Variants in FREM3 observed in about 807,000 individuals in gnomAD.
FREM3 encodes the protein FRAS1-related extracellular matrix protein 3.
Under a neutral mutation model 129.1 loss-of-function variants are expected in FREM3, and 105 were observed. That is an observed-to-expected ratio of 0.81 (90% CI 0.69 to 0.96). FREM3 has a LOEUF of 0.96. Among genes scored for constraint, FREM3 ranks in the 40% least tolerant of loss-of-function variants. FREM3 has a pLI of 0.00. For missense variants in FREM3, 2,593 were observed against 2,666.3 expected, an observed-to-expected ratio of 0.97 and a Z score of 0.61; for synonymous variants, 1,014 against 1,044.9, an observed-to-expected ratio of 0.97 and a Z score of 0.57.
chr4:143,677,205 A>G (rs1740151757), intron 2 of FREM3, among the ~76,000 whole-genome samples: 1 of 152,190 alleles, frequency 6.6e-6, no homozygotes, highest in Non-Finnish European at 1.5e-5. Context: ...ATATAGACCA[A>G]TGGAACAGAA....
chr4:143,636,874 G>C (rs1239001742), intron 2 of FREM3, among the ~76,000 whole-genome samples: 3 of 152,090 alleles, frequency 2.0e-5, no homozygotes, highest in African/African-American at 7.2e-5. Flanking sequence ...ACTGTCAAAT[G>C]TTAAATGTTT....
chr4:143,698,648 C>A lies in FREM3; in HGVS notation c.2028G>T (p.Val676=). 1.3e-6 allele frequency: 2 copies of A among 1,537,794 alleles called. No individual in the cohort carries two copies. Among genetic ancestry groups the A allele is most frequent in the Non-Finnish European group, 1.7e-6 (2 of 1,147,032 alleles). Residue 676 remains valine, a synonymous_variant, in exon 1 of 8, where the codon GTG becomes GTT. Transcript: ENST00000329798. ...QSVMVQLAFH[V]QDDHDPPNLS... ...GATTGGGTGGGTCATGGTCATCCTGCACATGGAAAGCCAGCTGGACCATTA... is the reference window on the plus strand; with the variant it reads ...GATTGGGTGGGTCATGGTCATCCTGAACATGGAAAGCCAGCTGGACCATTA...
rs55880735 is a variant in FREM3 at position 143,615,707 on chromosome 4, C to CAA, written c.5780-4182_5780-4181dup. On this transcript the variant is annotated intron_variant, in intron 5 of 7. Transcript: ENST00000329798. ...AAGTGTAGGGAATATCGTCAAGTGT[C>CAA]AAAAAAAAAACAAAAACCCAAAAAC... 7.1e-3 allele frequency among the ~76,000 whole-genome samples: 989 copies of CAA among 138,908 alleles called. 1 individual carries two copies. The highest frequency in any genetic ancestry group is 0.024 in the South Asian group (112 of 4,604). 91.1% of individuals were successfully genotyped at this position (138,908 alleles called of 152,430 possible). A position where few individuals can be genotyped will look rare whatever the true frequency, so the allele number is the denominator to read the frequency against.
At chr4:143,594,240 C>A (rs1400104640) in intron 6 of FREM3, among the ~76,000 whole-genome samples, 4 of 152,170 alleles carry the variant, frequency 2.6e-5, no homozygotes, top group Non-Finnish European at 5.9e-5. Flanking sequence ...CTGCCCTGCA[C>A]CCACTGTCCG....
chr4:143,699,317 G>T lies in FREM3; in HGVS notation c.1359C>A (p.Ser453Arg). Reference sequence around the variant, plus strand: ...TATCACTGATAGGAATGCTGTGGGTGCTGGACAAGGGCCTTGACTGACCTT... The same window carrying T: ...TATCACTGATAGGAATGCTGTGGGTTCTGGACAAGGGCCTTGACTGACCTT... ...LFEGQSRPLS[S>R]THSIPISDKD... The change falls in exon 1 of 8, where the codon AGC (serine) becomes AGA (arginine). Residue 453 changes from serine (S) to arginine (R), a missense_variant. By Grantham distance (110) the Ser-to-Arg change is moderately radical. Transcript: ENST00000329798. The surrounding 1 kb of genome is among the most constrained non-coding windows in gnomAD (Gnocchi z 4.2). The T allele has an allele frequency of 6.5e-7, 1 of 1,537,346 alleles. No homozygotes were observed. Among genetic ancestry groups the T allele is most frequent in the Non-Finnish European group, 8.7e-7 (1 of 1,146,942 alleles).
chr4:143,589,417 A>G (rs1333465391), intron 6 of FREM3, among the ~76,000 whole-genome samples: 1 of 152,098 alleles, frequency 6.6e-6, no homozygotes, highest in Non-Finnish European at 1.5e-5. Context: ...TAATTTTTGT[A>G]TAAGGTGTAA....
chr4:143,643,069 A>G (rs2149846626), intron 2 of FREM3, among the ~76,000 whole-genome samples: 1 of 152,208 alleles, frequency 6.6e-6, no homozygotes, highest in East Asian at 1.9e-4. Flanking sequence ...ACAATGGGAT[A>G]CCACCTCACT....
chr4:143,677,493 C>T (rs951478651), intron 2 of FREM3, among the ~76,000 whole-genome samples: 1 of 152,204 alleles, frequency 6.6e-6, no homozygotes, highest in African/African-American at 2.4e-5. Context: ...GCAAGGACTT[C>T]ATGTCTGAAA....
intron 7 of FREM3, among the ~76,000 whole-genome samples, chr4:143,583,241 A>T (rs1172724553): frequency 3.9e-5 from 6 of 152,196 alleles, no homozygotes. Context: ...CTCTGAATGA[A>T]CAGAATCAAA....
At chr4:143,624,086 CA>C in intron 4 of FREM3, 21 bp downstream of exon 4, 1 of 1,365,804 alleles carries the variant, frequency 7.3e-7, no homozygotes, top group Non-Finnish European at 1.0e-6. Flanking sequence ...GTTAATAAAG[CA>C]AATCAATCAG....
intron 2 of FREM3, among the ~76,000 whole-genome samples, chr4:143,661,483 C>G (rs975581432): frequency 6.6e-6 from 1 of 151,808 alleles, no homozygotes; most frequent in Admixed American, 6.6e-5. Context: ...CTGCTGGATT[C>G]TGTTTGCCAG....
intron 1 of FREM3, among the ~76,000 whole-genome samples, chr4:143,693,431 TA>T (rs2149863065): frequency 6.6e-6 from 1 of 152,276 alleles, no homozygotes; most frequent in South Asian, 2.1e-4. Flanking sequence ...TGGTGATTAT[TA>T]AAAAGCCAAA....
intron 2 of FREM3, among the ~76,000 whole-genome samples, chr4:143,656,488 A>T: frequency 6.6e-6 from 1 of 152,248 alleles, no homozygotes; most frequent in Non-Finnish European, 1.5e-5. Context: ...TAGCCATAAA[A>T]GGCATGAAGT....
intron 3 of FREM3, among the ~76,000 whole-genome samples, chr4:143,627,240 CATAA>C (rs905672780): frequency 6.6e-6 from 1 of 152,042 alleles, no homozygotes; most frequent in African/African-American, 2.4e-5. Context: ...ATCATGTACT[CATAA>C]ATAATTTTTC....
At position 143,696,819 on chromosome 4, in the gene FREM3, T is replaced by G; in HGVS notation, c.3857A>C (p.Asp1286Ala). 1 of 1,537,782 alleles carries G rather than the reference T, an allele frequency of 6.5e-7. No homozygotes were observed. Among genetic ancestry groups the G allele is most frequent in the Non-Finnish European group, 8.7e-7 (1 of 1,147,028 alleles). ...KEDSFEVWLSDGKHTTHRKVP... is the reference protein window; with the variant it reads ...KEDSFEVWLSAGKHTTHRKVP... ...CTTCCTGTGGGTTGTGTGCTTGCCG[T>G]CACTCAGCCAGACCTCAAAACTGTC... is the stretch of plus-strand genomic sequence containing the variant. The change falls in exon 1 of 8, where the codon GAC becomes GCC. Residue 1286 changes from aspartate to alanine, a missense_variant. This residue lies in a region of FREM3 where 2,276 missense variants were observed against 2,267.2 expected (regional missense o/e 1.00). Coordinates refer to ENST00000329798, the MANE Select transcript of FREM3 (RefSeq NM_001168235.2).
chr4:143,685,145 A>C (rs564857747), intron 2 of FREM3, among the ~76,000 whole-genome samples: 1 of 152,198 alleles, frequency 6.6e-6, no homozygotes. Context: ...TACCAGAAGC[A>C]CAAAGAACAC....
At chr4:143,598,355 C>G (rs73852625) in intron 6 of FREM3, among the ~76,000 whole-genome samples, 1 of 152,178 alleles carries the variant, frequency 6.6e-6, no homozygotes, top group Non-Finnish European at 1.5e-5. Flanking sequence ...TTCTTTTCCC[C>G]GTCCACTCAC....
chr4:143,691,825 G>A lies in FREM3; in HGVS notation c.5275+1288C>T, dbSNP rs144683910. On this transcript the variant is annotated intron_variant, in intron 2 of 7. Transcript: ENST00000329798. Reference sequence around the variant, plus strand: ...AAAGCATAGTGTGAGAGTCAGAGGTGCATCTTTTTAGAGTGACATTCTTTT... The same window carrying A: ...AAAGCATAGTGTGAGAGTCAGAGGTACATCTTTTTAGAGTGACATTCTTTT... Among the ~76,000 whole-genome samples the A allele has an allele frequency of 6.5e-3, 993 of 152,182 alleles. 9 individuals are homozygous for A. The highest frequency in any genetic ancestry group is 0.017 in the South Asian group (84 of 4,816).
chr4:143,648,134 G>T (rs1296407270), intron 2 of FREM3, among the ~76,000 whole-genome samples: 2 of 152,234 alleles, frequency 1.3e-5, no homozygotes, highest in Non-Finnish European at 2.9e-5. Context: ...TGCCCTGCTG[G>T]ATTCTGGAAT....
Sources: gnomAD v4.1 joint callset for allele counts (sites outside exome capture counted in the v4.1 genomes callset) on GRCh38, gnomAD v4.1.1 for gene constraint, gnomAD v4.1.1 regional missense constraint, Gnocchi (gnomAD v3.1) non-coding constraint, MANE v1.5 for transcripts, NCBI Gene and HGNC (gene_info 2026-07-23, HGNC 2026-07-21) for gene names.